The following DPF3 variants were observed in gnomAD, a reference collection of about 807,000 sequenced individuals.
The protein encoded by DPF3 is double PHD fingers 3.
In DPF3, 18 loss-of-function variants were observed where a neutral mutation model predicts 56.8. That is an observed-to-expected ratio of 0.32 (90% CI 0.22 to 0.47). DPF3 has a LOEUF of 0.47. DPF3 is among the 20% of genes least tolerant of loss of function. The probability of loss-of-function intolerance (pLI) is 1.00; values close to 1 mark genes in which losing one functional copy is unlikely to be tolerated. For synonymous variants in DPF3, 188 were observed against 180.2 expected (o/e 1.04, Z -0.35); for missense variants, 403 against 488.8 (o/e 0.82, Z 1.65).
intron 1 of DPF3, among the ~76,000 whole-genome samples, chr14:72,839,991 A>G (rs1004010950): frequency 6.6e-6 from 1 of 152,208 alleles, no homozygotes; most frequent in Non-Finnish European, 1.5e-5. Context: ...CCACTCAGTC[A>G]CTGTGTGGTC....
In DPF3 at chr14:72,640,622, T is replaced by C. The variant is rs114444143; in HGVS notation, c.872-10886A>G. Among the ~76,000 whole-genome samples the C allele has an allele frequency of 2.3e-3, 357 of 152,188 alleles. 2 individuals carry two copies. Among genetic ancestry groups the C allele is most frequent in the African/African-American group, 8.3e-3 (345 of 41,538 alleles). On this transcript the variant is annotated intron_variant, in intron 8 of 10. Transcript: ENST00000556509. ...CGTGATACCTGCTTGAATATGTGTG[T>C]GAGGAAGAGGCAGAAGTAAAAAATG...
chr14:72,768,933 CTGT>C (rs1168999505), intron 2 of DPF3, among the ~76,000 whole-genome samples: 225 of 146,516 alleles, frequency 1.5e-3, no homozygotes, highest in African/African-American at 5.2e-3. Flanking sequence ...GTGTGAGTGT[CTGT>C]GTGTGTGTGT....
At chr14:72,746,215 G>C (rs1401655755) in intron 3 of DPF3, among the ~76,000 whole-genome samples, 1 of 152,254 alleles carries the variant, frequency 6.6e-6, no homozygotes, top group Non-Finnish European at 1.5e-5. Context: ...ATGCAAACTT[G>C]CATCACCTCT....
At chr14:72,856,443 T>C (rs529248197) in intron 1 of DPF3, among the ~76,000 whole-genome samples, 3 of 152,064 alleles carry the variant, frequency 2.0e-5, no homozygotes, top group Non-Finnish European at 4.4e-5. Flanking sequence ...GAAGAGGAAG[T>C]GGGGTGCTGG....
intron 1 of DPF3, among the ~76,000 whole-genome samples, chr14:72,803,487 G>T (rs1234970368): frequency 6.6e-6 from 1 of 152,194 alleles, no homozygotes; most frequent in Admixed American, 6.5e-5. Context: ...CCTGGTGATG[G>T]CTGGCAATGG....
intron 1 of DPF3, among the ~76,000 whole-genome samples, chr14:72,812,614 C>T (rs540275159): frequency 3.2e-4 from 49 of 152,140 alleles, no homozygotes; most frequent in African/African-American, 1.0e-3. Context: ...GCGGAGAGTA[C>T]GGAGAGTACG....
chr14:72,860,845 C>A (rs1295538090), intron 1 of DPF3, among the ~76,000 whole-genome samples: 2 of 152,190 alleles, frequency 1.3e-5, no homozygotes, highest in African/African-American at 4.8e-5. Context: ...GGATTACAGG[C>A]ATGAGCCACC....
At chr14:72,701,537 G>T (rs147807891) in intron 6 of DPF3, among the ~76,000 whole-genome samples, 31 of 152,280 alleles carry the variant, frequency 2.0e-4, no homozygotes, top group Non-Finnish European at 3.5e-4. Context: ...CCCACTCCTA[G>T]TCTGGGCGGG....
At chr14:72,662,187 C>T in intron 8 of DPF3, 1 of 985,388 alleles carries the variant, frequency 1.0e-6, no homozygotes, top group Non-Finnish European at 1.2e-6. Context: ...TTACCACATC[C>T]AACTCGCAGA....
intron 2 of DPF3, among the ~76,000 whole-genome samples, chr14:72,758,197 CA>C (rs1890917557): frequency 6.6e-6 from 1 of 151,626 alleles, no homozygotes; most frequent in Non-Finnish European, 1.5e-5. Context: ...GTATAAAGAC[CA>C]GATTTAGCTC....
At chr14:72,664,012 C>G (rs529459269) in intron 8 of DPF3, among the ~76,000 whole-genome samples, 5 of 152,288 alleles carry the variant, frequency 3.3e-5, no homozygotes, top group Non-Finnish European at 7.4e-5. Context: ...CCATCCCACC[C>G]CACTGTCTCC....
intron 8 of DPF3, chr14:72,662,379 A>T: frequency 1.0e-6 from 1 of 985,134 alleles, no homozygotes; most frequent in Non-Finnish European, 1.2e-6. Flanking sequence ...TTAACTTTTG[A>T]AGTAGGAGGT....
At chr14:72,873,421 C>A (rs1333251500) in intron 1 of DPF3, among the ~76,000 whole-genome samples, 1 of 152,178 alleles carries the variant, frequency 6.6e-6, no homozygotes, top group East Asian at 1.9e-4. Flanking sequence ...AGTCAGGAAA[C>A]AACAGGTGCT....
chr14:72,630,086 C>A (rs745942650), intron 8 of DPF3, among the ~76,000 whole-genome samples: 9 of 152,132 alleles, frequency 5.9e-5, no homozygotes, highest in Non-Finnish European at 1.3e-4. Context: ...ACCAGTGGGA[C>A]CCTCCAAGCC....
chr14:72,821,515 CA>C (rs139376644), intron 1 of DPF3, among the ~76,000 whole-genome samples: 14,235 of 152,134 alleles, frequency 0.094, 823 homozygotes, highest in Admixed American at 0.18. Context: ...ACGCTGGCAT[CA>C]ATATGATGAA....
chr14:72,649,980 G>A (rs577723241), intron 8 of DPF3, among the ~76,000 whole-genome samples: 7 of 152,306 alleles, frequency 4.6e-5, no homozygotes, highest in Non-Finnish European at 1.0e-4. Context: ...ACAGGAGGCC[G>A]AGCGGCTGAT....
intron 1 of DPF3, among the ~76,000 whole-genome samples, chr14:72,834,077 G>C (rs1260419542): frequency 2.0e-5 from 3 of 152,104 alleles, no homozygotes; most frequent in Non-Finnish European, 4.4e-5. Context: ...AGCTGCTCAA[G>C]AGGCTGAGGC....
intron 8 of DPF3, among the ~76,000 whole-genome samples, chr14:72,651,191 G>A (rs1885897443): frequency 6.6e-6 from 1 of 152,236 alleles, no homozygotes; most frequent in Admixed American, 6.5e-5. Flanking sequence ...TGAGGGAGGT[G>A]GCCCAGGATG....
chr14:72,887,968 C>T (rs1886612279), intron 1 of DPF3, among the ~76,000 whole-genome samples: 1 of 151,860 alleles, frequency 6.6e-6, no homozygotes, highest in South Asian at 2.1e-4. Context: ...TGAATAACAA[C>T]AACTAAAAAA....
Sources: gnomAD v4.1 joint callset for allele counts (sites outside exome capture counted in the v4.1 genomes callset) on GRCh38, gnomAD v4.1.1 for gene constraint, MANE v1.5 for transcripts, NCBI Gene and HGNC (gene_info 2026-07-23, HGNC 2026-07-21) for gene names.